The following RANBP2 variants were observed in gnomAD, a reference collection of about 807,000 sequenced individuals.
RANBP2 encodes E3 SUMO-protein ligase RanBP2.
Under a neutral mutation model 303.6 loss-of-function variants are expected in RANBP2, and 57 were observed. The observed-to-expected ratio is 0.19, with a 90% CI of 0.15 to 0.23. RANBP2 has a LOEUF of 0.23. RANBP2 is among the 10% of genes least tolerant of loss of function. The pLI is 1.00. For synonymous variants in RANBP2, 1,167 were observed against 1,301.5 expected, an observed-to-expected ratio of 0.90 and a Z score of 2.23; for missense variants, 3,138 against 3,780.8, an observed-to-expected ratio of 0.83 and a Z score of 4.46.
chr2:108,746,028 T>C (rs1696484422), intron 7 of RANBP2, among the ~76,000 whole-genome samples: 1 of 151,612 alleles, frequency 6.6e-6, no homozygotes, highest in African/African-American at 2.4e-5. Context: ...TGCCTCAGCC[T>C]CCTGAGTAGC....
the RANBP2 span, among the ~76,000 whole-genome samples, chr2:109,441,837 A>G: frequency 6.6e-6 from 1 of 152,224 alleles, no homozygotes; most frequent in Non-Finnish European, 1.5e-5. Flanking sequence ...AGAAAAAAAG[A>G]TAAGGGTAAG....
At chr2:109,371,075 C>A in the RANBP2 span, among the ~76,000 whole-genome samples, 6 of 152,194 alleles carry the variant, frequency 3.9e-5, no homozygotes, top group Non-Finnish European at 7.3e-5. Flanking sequence ...GGGCTCTTTG[C>A]AGCTATAATC....
the RANBP2 span, among the ~76,000 whole-genome samples, chr2:108,995,289 T>C: frequency 6.6e-6 from 1 of 152,132 alleles, no homozygotes; most frequent in Non-Finnish European, 1.5e-5. Context: ...GCTTCCCAAG[T>C]TGCTGGGAAT....
chr2:109,198,220 A>G, the RANBP2 span, among the ~76,000 whole-genome samples: 1 of 152,160 alleles, frequency 6.6e-6, no homozygotes, highest in South Asian at 2.1e-4. Context: ...TAGGTTGTAA[A>G]TCGAAGCAAA....
intron 7 of RANBP2, among the ~76,000 whole-genome samples, chr2:108,741,521 T>C (rs867325417): frequency 1.5e-5 from 2 of 131,464 alleles, no homozygotes; most frequent in South Asian, 2.6e-4. Flanking sequence ...TTTTTTTTTT[T>C]TTGAGATGGA....
the RANBP2 span, among the ~76,000 whole-genome samples, chr2:109,640,883 C>T: frequency 6.6e-6 from 1 of 152,168 alleles, no homozygotes; most frequent in African/African-American, 2.4e-5. Context: ...CAACCCCAGC[C>T]TTTCCTTCCA....
the RANBP2 span, among the ~76,000 whole-genome samples, chr2:109,466,078 T>G: frequency 1.9e-4 from 25 of 130,876 alleles, no homozygotes; most frequent in Admixed American, 1.1e-3. Context: ...ACATCTTTTT[T>G]TTTTTTTTTT....
the RANBP2 span, among the ~76,000 whole-genome samples, chr2:109,375,100 C>A: frequency 2.6e-5 from 4 of 152,186 alleles, no homozygotes; most frequent in Admixed American, 6.5e-5. Flanking sequence ...TAGAAATAAT[C>A]GTCTCTCCAC....
At chr2:109,080,561 G>C in the RANBP2 span, among the ~76,000 whole-genome samples, 1 of 152,160 alleles carries the variant, frequency 6.6e-6, no homozygotes, top group Admixed American at 6.5e-5. Context: ...CCCAGGATTG[G>C]ACAGGACATC....
At chr2:109,184,022 G>A in the RANBP2 span, among the ~76,000 whole-genome samples, 103 of 152,330 alleles carry the variant, frequency 6.8e-4, no homozygotes, top group African/African-American at 2.4e-3. Context: ...TGAGTGACAC[G>A]GTGTGTGTTG....
the RANBP2 span, among the ~76,000 whole-genome samples, chr2:109,475,304 T>TA: frequency 2.0e-5 from 3 of 152,238 alleles, no homozygotes; most frequent in Non-Finnish European, 4.4e-5. Context: ...CTCCGAGGGC[T>TA]ACAGGACTAT....
At chr2:108,896,802 T>G in the RANBP2 span, 1 of 1,163,364 alleles carries the variant, frequency 8.6e-7, no homozygotes, top group South Asian at 1.4e-5. Context: ...CGGTGACATA[T>G]CACAAAAGCC....
At chr2:109,629,335 ATATATATATATATATATATATTTTTTTT>A in the RANBP2 span, among the ~76,000 whole-genome samples, 42 of 9,494 alleles carry the variant, frequency 4.4e-3, no homozygotes, top group African/African-American at 0.011. Flanking sequence ...ATATATATAT[ATATATATATATATATATATATTTTTTTT>A]TTTTTTTTCA....
At chr2:109,014,178 A>G in the RANBP2 span, among the ~76,000 whole-genome samples, 1 of 152,224 alleles carries the variant, frequency 6.6e-6, no homozygotes, top group Non-Finnish European at 1.5e-5. Flanking sequence ...GGTCTCCCCC[A>G]TGTGAAGAGA....
chr2:108,796,311 C>T, the RANBP2 span, among the ~76,000 whole-genome samples: 5 of 152,234 alleles, frequency 3.3e-5, no homozygotes, highest in South Asian at 1.0e-3. Context: ...GCCTCTGCCT[C>T]CCAAAGTGCT....
At chr2:109,059,154 T>C in the RANBP2 span, among the ~76,000 whole-genome samples, 1 of 152,038 alleles carries the variant, frequency 6.6e-6, no homozygotes. Flanking sequence ...TGCTGGCAGG[T>C]CCAGTCAGGG....
chr2:108,806,815 A>G, the RANBP2 span, among the ~76,000 whole-genome samples: 2 of 152,236 alleles, frequency 1.3e-5, no homozygotes, highest in African/African-American at 4.8e-5. Flanking sequence ...TAATAATTTA[A>G]AAGCATTTCT....
chr2:109,211,334 G>A, the RANBP2 span, among the ~76,000 whole-genome samples: 1 of 152,208 alleles, frequency 6.6e-6, no homozygotes, highest in African/African-American at 2.4e-5. Flanking sequence ...TATTAATAAT[G>A]CTGGAGGCAA....
At chr2:108,965,880 CCT>C in the RANBP2 span, among the ~76,000 whole-genome samples, 13 of 151,982 alleles carry the variant, frequency 8.6e-5, no homozygotes, top group African/African-American at 3.1e-4. Flanking sequence ...TGTGCTCCCC[CCT>C]CTCCCCCCAG....
Sources: gnomAD v4.1 joint callset for allele counts (sites outside exome capture counted in the v4.1 genomes callset) on GRCh38, gnomAD v4.1.1 for gene constraint, MANE v1.5 for transcripts, NCBI Gene and HGNC (gene_info 2026-07-23, HGNC 2026-07-21) for gene names.